The following PLEKHA4 variants were observed in gnomAD, a reference collection of about 807,000 sequenced individuals.
PLEKHA4 encodes the protein pleckstrin homology domain-containing family A member 4.
PLEKHA4 carries 73 observed loss-of-function variants against 94.7 expected under a neutral mutation model. The ratio of observed to expected loss-of-function variants is 0.77; its 90% confidence interval spans 0.64 to 0.94. The LOEUF is 0.94. Ranked by LOEUF, PLEKHA4 falls within the 40% of genes least tolerant of loss-of-function variation. The probability of loss-of-function intolerance (pLI) is 0.00; values close to 1 mark genes in which losing one functional copy is unlikely to be tolerated. For synonymous variants in PLEKHA4, 449 were observed against 437.1 expected, an observed-to-expected ratio of 1.03 and a Z score of -0.34; for missense variants, 1,049 against 1,054.1, an observed-to-expected ratio of 1.00 and a Z score of 0.07.
intron 8 of PLEKHA4, among the ~76,000 whole-genome samples, chr19:48,858,336 G>T (rs1568549555): frequency 6.6e-6 from 1 of 152,086 alleles, no homozygotes; most frequent in Non-Finnish European, 1.5e-5. Context: ...AAGAGCAATG[G>T]CTGGGCCAGG....
At chr19:48,857,099 A>C (rs962607614) in intron 9 of PLEKHA4, among the ~76,000 whole-genome samples, 13 of 152,102 alleles carry the variant, frequency 8.5e-5, no homozygotes, top group Admixed American at 7.9e-4. Flanking sequence ...CATAAAAAAA[A>C]CCACAGAACC....
At chr19:48,838,545 C>G (rs980343522) in intron 18 of PLEKHA4, among the ~76,000 whole-genome samples, 2 of 150,226 alleles carry the variant, frequency 1.3e-5, no homozygotes, top group African/African-American at 4.9e-5. Flanking sequence ...GGGCGGATCA[C>G]TTGAGGTCAG....
In PLEKHA4 at chr19:48,867,615, C is replaced by T; in HGVS notation, c.6G>A (p.Glu2=). 1 of 1,594,536 alleles carries T rather than the reference C, an allele frequency of 6.3e-7. No homozygotes were observed. The highest frequency in any genetic ancestry group is 8.5e-7 in the Non-Finnish European group (1 of 1,172,592). Residue 2 remains glutamate (E), a synonymous_variant, in exon 2 of 20, where the codon GAG becomes GAA. Coordinates refer to ENST00000263265, the MANE Select transcript of PLEKHA4 (RefSeq NM_020904.3). The surrounding 1 kb of genome is among the most constrained non-coding windows in gnomAD (Gnocchi z 4.7). The stretch of plus-strand genomic sequence containing the variant: ...TCAGGCTGCTGCGAGGTCGGCTCCC[C>T]TCCATCAAGGGCTGGGGGAGAGAAA... M[E]GSRPRSSLSL...
In PLEKHA4 at chr19:48,847,966, C is replaced by T. The variant is rs755035465; in HGVS notation, c.1500G>A (p.Pro500=). ...GGGAGTCAGGCTCAGTGTGTGGGGG[C>T]GGTTTCTGGGGGCCACCCAGACCTG... ...TLAGLGGPQK[P]PPHTEPDSPS... is the part of the protein sequence containing the mutation. The change falls in exon 14 of 20, where the codon CCG becomes CCA. Residue 500 remains proline, a synonymous_variant. Coordinates refer to ENST00000263265, the MANE Select transcript of PLEKHA4 (RefSeq NM_020904.3). 3.7e-6 allele frequency: 6 copies of T among 1,612,436 alleles called. No homozygotes were observed. The Admixed American group carries it at 6.7e-5, about 18-fold the overall frequency.
rs2035577617 is a variant in PLEKHA4 at position 48,837,499 on chromosome 19, A to C, written c.2130T>G (p.Pro710=). Residue 710 remains proline, a synonymous_variant, in exon 20 of 20, where the codon CCT becomes CCG. Coordinates refer to ENST00000263265, the MANE Select transcript of PLEKHA4 (RefSeq NM_020904.3). The surrounding 1 kb of genome is among the most constrained non-coding windows in gnomAD (Gnocchi z 4.3). Reference sequence around the variant, plus strand: ...GGGTCTCCTGGCGCGTGGGGTCCGAAGGAGGCAGCGGCACACCGGGAAGAG... The same window carrying C: ...GGGTCTCCTGGCGCGTGGGGTCCGACGGAGGCAGCGGCACACCGGGAAGAG... ...GDPLPGVPLP[P]SDPTRQETPP... The C allele has an allele frequency of 6.2e-7, 1 of 1,613,058 alleles. No individual in the cohort carries two copies. Among genetic ancestry groups the C allele is most frequent in the East Asian group, 2.2e-5 (1 of 44,866 alleles).
chr19:48,853,553 T>A, intron 12 of PLEKHA4, 129 bp downstream of exon 12: 1 of 992,136 alleles, frequency 1.0e-6, no homozygotes, highest in Non-Finnish European at 1.3e-6. Flanking sequence ...AGAGAAAAAA[T>A]AATAAAATTT....
rs1291792300 is a variant in PLEKHA4 at position 48,867,385 on chromosome 19, C to A, written c.84+152G>T. On this transcript the variant is annotated intron_variant, in intron 2 of 19. Coordinates refer to ENST00000263265, the MANE Select transcript of PLEKHA4 (RefSeq NM_020904.3). This position sits in a 1 kb window ranked among gnomAD's most constrained non-coding sequence, Gnocchi z 4.7. ...GCTGGGAGTGCCTCTGAATTCCTAG[C>A]TGCGGTGTGTAGGCAATTTGGGACC... is the stretch of plus-strand genomic sequence containing the variant. The A allele has an allele frequency of 3.8e-6, 3 of 798,432 alleles. No individual in the cohort carries two copies. The Admixed American group carries it at 7.8e-5, about 21-fold the overall frequency. 49.5% of individuals were successfully genotyped at this position (798,432 alleles called of 1,614,324 possible).
chr19:48,862,270 G>C (rs1187693278), intron 3 of PLEKHA4, among the ~76,000 whole-genome samples: 2 of 146,184 alleles, frequency 1.4e-5, no homozygotes, highest in African/African-American at 5.2e-5. Flanking sequence ...GCATGATCTC[G>C]GCTCACGGCA....
intron 9 of PLEKHA4, among the ~76,000 whole-genome samples, chr19:48,854,516 A>C (rs566256759): frequency 1.3e-5 from 2 of 151,590 alleles, no homozygotes; most frequent in Non-Finnish European, 2.9e-5. Flanking sequence ...CCACAGGCGC[A>C]CACATCATGC....
chr19:48,840,928 C>G (rs1033719620), intron 17 of PLEKHA4, among the ~76,000 whole-genome samples: 1 of 151,954 alleles, frequency 6.6e-6, no homozygotes, highest in Non-Finnish European at 1.5e-5. Flanking sequence ...TGTGTGACCC[C>G]CGCCCCCACC....
At chr19:48,862,098 G>A (rs1485188418) in intron 3 of PLEKHA4, among the ~76,000 whole-genome samples, 2 of 151,840 alleles carry the variant, frequency 1.3e-5, no homozygotes, top group Non-Finnish European at 2.9e-5. Context: ...AGACAGAAGA[G>A]ACAGAGACAC....
intron 7 of PLEKHA4, 57 bp from the exon 8 acceptor site, chr19:48,859,196 C>T: frequency 7.7e-7 from 1 of 1,305,524 alleles, no homozygotes; most frequent in Non-Finnish European, 1.1e-6. Flanking sequence ...CCATCCACCT[C>T]CTTACCCATC....
chr19:48,864,734 T>C (rs1453535996), intron 3 of PLEKHA4, among the ~76,000 whole-genome samples: 2 of 151,712 alleles, frequency 1.3e-5, no homozygotes, highest in African/African-American at 4.8e-5. Context: ...CTAGGTTTTG[T>C]GTGTGTGTGT....
chr19:48,859,086 C>T lies in PLEKHA4; in HGVS notation c.746G>A (p.Arg249His), dbSNP rs1599918873. The change falls in exon 8 of 20, where the codon CGT becomes CAT. Residue 249 changes from arginine to histidine, a missense_variant. Transcript: ENST00000263265. ...PPSPLSLPRPRSAPARRPPAP... is the reference protein window; with the variant it reads ...PPSPLSLPRPHSAPARRPPAP... ...AGGGGGTCGCCGCGCAGGGGCAGAA[C>T]GGGGACGGGGGAGGCTCAGAGGCGA... The T allele has an allele frequency of 1.6e-6, 1 of 635,718 alleles. No homozygotes were observed. Among genetic ancestry groups the T allele is most frequent in the Non-Finnish European group, 2.0e-6 (1 of 510,544 alleles). 39.4% of individuals were successfully genotyped at this position (635,718 alleles called of 1,614,324 possible). A position where few individuals can be genotyped will look rare whatever the true frequency, so the allele number is the denominator to read the frequency against.
chr19:48,837,923 G>A lies in PLEKHA4; in HGVS notation c.2077+94C>T, dbSNP rs561937767. ...CTCACCAAGATAAAAAATTCTCACC[G>A]GCCCCCAGACCCCTCCTCTCCAGGA... On this transcript the variant is annotated intron_variant, in intron 19 of 19. Coordinates refer to ENST00000263265, the MANE Select transcript of PLEKHA4 (RefSeq NM_020904.3). This position sits in a 1 kb window ranked among gnomAD's most constrained non-coding sequence, Gnocchi z 4.3. 16 of 1,040,554 alleles carry A rather than the reference G, an allele frequency of 1.5e-5. No individual in the cohort carries two copies. The highest frequency in any genetic ancestry group is 6.2e-4 in the Middle Eastern group (2 of 3,236). 64.5% of individuals were successfully genotyped at this position (1,040,554 alleles called of 1,614,324 possible).
rs764792399 is a variant in PLEKHA4 at position 48,837,431 on chromosome 19, C to A, written c.2198G>T (p.Gly733Val). 2.5e-6 allele frequency: 4 copies of A among 1,613,356 alleles called. No homozygotes were observed. The highest frequency in any genetic ancestry group is 2.2e-5 in the East Asian group (1 of 44,876). ...ACGCCCACTCCCTCGGCGAGAGAACCCCGTGGAACCCGAATTAGCCACCGG... is the reference window on the plus strand; with the variant it reads ...ACGCCCACTCCCTCGGCGAGAGAACACCGTGGAACCCGAATTAGCCACCGG... ...SPPVANSGSTGFSRRGSGRGG... is the reference protein window; with the variant it reads ...SPPVANSGSTVFSRRGSGRGG... Residue 733 changes from glycine (G) to valine (V), a missense_variant, in exon 20 of 20, where the codon GGG (glycine) becomes GTG (valine). Gly to Val is a moderately radical substitution (Grantham distance 109, BLOSUM62 -3). Coordinates refer to ENST00000263265, the MANE Select transcript of PLEKHA4 (RefSeq NM_020904.3). This position sits in a 1 kb window ranked among gnomAD's most constrained non-coding sequence, Gnocchi z 4.3.
intron 8 of PLEKHA4, among the ~76,000 whole-genome samples, chr19:48,858,520 G>A (rs1421438057): frequency 4.6e-5 from 7 of 151,222 alleles, no homozygotes; most frequent in Non-Finnish European, 8.8e-5. Flanking sequence ...CTAGCTACTC[G>A]GGAGGCTGAG....
Position 48,859,127 on chromosome 19 carries a change from G to C in PLEKHA4, c.705C>G (p.Pro235=). The change falls in exon 8 of 20, where the codon CCC becomes CCG. Residue 235 remains proline (P), a synonymous_variant. Coordinates refer to ENST00000263265, the MANE Select transcript of PLEKHA4 (RefSeq NM_020904.3). ...TCAGAGGCGAGGGAGGGCGAGAGAG[G>C]GGGGTGAACAGGCTGTGGGAAGGAG... is the stretch of plus-strand genomic sequence containing the variant. The part of the protein sequence containing the change: ...RRARSPDLFT[P]LSRPPSPLSL... 6.6e-7 allele frequency: 1 copy of C among 1,519,688 alleles called. No individual in the cohort carries two copies. Among genetic ancestry groups the C allele is most frequent in the Non-Finnish European group, 8.8e-7 (1 of 1,139,192 alleles). The allele number at this position is 1,519,688 out of a possible 1,614,324, so 94.1% of individuals were successfully genotyped here. A position where few individuals can be genotyped will look rare whatever the true frequency, so the allele number is the denominator to read the frequency against.
chr19:48,862,480 C>T (rs533460188), intron 3 of PLEKHA4, among the ~76,000 whole-genome samples: 7 of 151,836 alleles, frequency 4.6e-5, no homozygotes, highest in Admixed American at 1.3e-4. Context: ...GGGTTACAGG[C>T]GTGAGCCACT....
Sources: gnomAD v4.1 joint callset for allele counts (sites outside exome capture counted in the v4.1 genomes callset) on GRCh38, gnomAD v4.1.1 for gene constraint, Gnocchi (gnomAD v3.1) non-coding constraint, MANE v1.5 for transcripts, NCBI Gene and HGNC (gene_info 2026-07-23, HGNC 2026-07-21) for gene names.